The following C20orf203 variants were observed in gnomAD, a reference collection of about 807,000 sequenced individuals.
C20orf203 encodes chromosome 20 open reading frame 203.
C20orf203 carries 16 observed loss-of-function variants against 15.9 expected under a neutral mutation model. The observed-to-expected ratio is 1.01, with a 90% CI of 0.68 to 1.53. C20orf203 has a LOEUF of 1.53. Ranked by LOEUF, C20orf203 falls within the 40% of genes most tolerant of loss-of-function variation. C20orf203 has a pLI of 0.00. For synonymous variants in C20orf203, 98 were observed against 97.2 expected, an observed-to-expected ratio of 1.01 and a Z score of -0.05; for missense variants, 263 against 247.5, an observed-to-expected ratio of 1.06 and a Z score of -0.42.
chr20:32,644,266 G>A (rs746254867), intron 4 of C20orf203, among the ~76,000 whole-genome samples: 7 of 152,114 alleles, frequency 4.6e-5, no homozygotes, highest in African/African-American at 9.7e-5. Context: ...TGGGCAACAC[G>A]GTGAAACCCT....
Position 32,641,794 on chromosome 20 carries a change from C to T in C20orf203, c.*1178-1107G>A, listed in dbSNP as rs1042224455. ...GGAGAAATATATGTTTAGATCGTAT[C>T]GCCATTTTTAAAATTGAGTTATTTG... On this transcript the variant is annotated intron_variant, in intron 4 of 5. Coordinates refer to ENST00000608990, the MANE Select transcript of C20orf203 (RefSeq NM_182584.4). Among the ~76,000 whole-genome samples the T allele has an allele frequency of 2.6e-5, 4 of 152,198 alleles. No homozygotes were observed. In the East Asian group the frequency reaches 5.8e-4, roughly 22 times the overall value.
At chr20:32,646,641 C>T (rs2145667258) in intron 4 of C20orf203, among the ~76,000 whole-genome samples, 1 of 152,322 alleles carries the variant, frequency 6.6e-6, no homozygotes, top group East Asian at 1.9e-4. Context: ...GAATAGGCCC[C>T]AGAGGTCATC....
chr20:32,638,621 G>A (rs1389735524), intron 5 of C20orf203, among the ~76,000 whole-genome samples: 1 of 152,230 alleles, frequency 6.6e-6, no homozygotes, highest in Non-Finnish European at 1.5e-5. Flanking sequence ...CAGGAGCTGT[G>A]CTTGAATGCA....
intron 1 of C20orf203, among the ~76,000 whole-genome samples, chr20:32,672,092 G>A (rs935986447): frequency 8.5e-5 from 13 of 152,080 alleles, no homozygotes; most frequent in Middle Eastern, 3.4e-3. Context: ...CAAGGCAGGC[G>A]GATCACAAGG....
chr20:32,652,302 G>A (rs1454402897), intron 1 of C20orf203, among the ~76,000 whole-genome samples: 4 of 110,986 alleles, frequency 3.6e-5, no homozygotes, highest in Admixed American at 1.4e-4. Context: ...CAGCCTGGGC[G>A]ACAGAGCAAG....
chr20:32,652,300 G>A (rs1982650060), intron 1 of C20orf203, among the ~76,000 whole-genome samples: 1 of 130,732 alleles, frequency 7.6e-6, no homozygotes, highest in Non-Finnish European at 1.6e-5. Flanking sequence ...TTCAGCCTGG[G>A]CGACAGAGCA....
chr20:32,673,061 A>T (rs762335141), intron 1 of C20orf203, among the ~76,000 whole-genome samples: 2 of 151,430 alleles, frequency 1.3e-5, no homozygotes, highest in Non-Finnish European at 2.9e-5. Flanking sequence ...AAGACCCAAG[A>T]CTCCTTGGTA....
In C20orf203 at chr20:32,631,788, A is replaced by G. The variant is rs563673819; in HGVS notation, c.*3782T>C. 149 of 152,362 alleles carry G rather than the reference A, an allele frequency of 9.8e-4. 1 individual carries two copies. Among genetic ancestry groups the G allele is most frequent in the African/African-American group, 3.5e-3 (146 of 41,592 alleles). 9.4% of individuals were successfully genotyped at this position (152,362 alleles called of 1,614,324 possible). ...GAAGCAGGGCTCAGTCTGGGCGCTC[A>G]TAAGAGGCAGGGTCTGTGGGGGTCA... On this transcript the variant is annotated 3_prime_UTR_variant, in exon 6 of 6. Coordinates refer to ENST00000608990, the MANE Select transcript of C20orf203 (RefSeq NM_182584.4).
At chr20:32,648,426 GTCTTTTTTTTTTTT>G (rs1982496573) in intron 4 of C20orf203, among the ~76,000 whole-genome samples, 2 of 113,378 alleles carry the variant, frequency 1.8e-5, no homozygotes, top group African/African-American at 6.9e-5. Context: ...GCCTGAAACT[GTCTTTTTTTTTTTT>G]TTTTTTTTTT....
chr20:32,656,728 G>C (rs1982764268), intron 1 of C20orf203: 1 of 152,078 alleles, frequency 6.6e-6, no homozygotes, highest in Non-Finnish European at 1.5e-5. Context: ...GCCAGGTGTG[G>C]TGGCATGTAC....
Position 32,634,052 on chromosome 20 carries a change from C to T in C20orf203, c.*1518G>A, listed in dbSNP as rs984481325. On this transcript the variant is annotated 3_prime_UTR_variant, in exon 6 of 6. Transcript: ENST00000608990. ...AAATTGAAATGAGCCAGTTCTACCC[C>T]GGTGTTGGGAATTCCGAGATGAATC... 5 of 398,496 alleles carry T rather than the reference C, an allele frequency of 1.3e-5. No individual in the cohort carries two copies. The highest frequency in any genetic ancestry group is 4.4e-5 in the Admixed American group (1 of 22,700). 24.7% of individuals were successfully genotyped at this position (398,496 alleles called of 1,614,324 possible).
Position 32,650,448 on chromosome 20 carries a change from C to G in C20orf203, c.569G>C (p.Arg190Pro). 1.9e-6 allele frequency: 3 copies of G among 1,550,068 alleles called. No individual in the cohort carries two copies. The highest frequency in any genetic ancestry group is 1.4e-5 in the African/African-American group (1 of 73,130). Reference sequence around the variant, plus strand: ...TGGGCTCGGCTAATTAAACAGCGACCGTGATGAATTGGAGAGAAACTGCTG... The same window carrying G: ...TGGGCTCGGCTAATTAAACAGCGACGGTGATGAATTGGAGAGAAACTGCTG... ...SKQQFLSNSS[R>P]SLFN Residue 190 changes from arginine to proline, a missense_variant, in exon 4 of 6, where the codon CGG becomes CCG. Transcript: ENST00000608990.
intron 4 of C20orf203, among the ~76,000 whole-genome samples, chr20:32,645,053 C>G (rs994808968): frequency 6.6e-6 from 1 of 152,004 alleles, no homozygotes; most frequent in South Asian, 2.1e-4. Flanking sequence ...CATTCCTAAG[C>G]CAGGTTCTCA....
intron 1 of C20orf203, among the ~76,000 whole-genome samples, chr20:32,668,733 G>C (rs1477277717): frequency 6.6e-6 from 1 of 152,150 alleles, no homozygotes; most frequent in African/African-American, 2.4e-5. Context: ...TGAGGTAGGA[G>C]AATTGCTTGA....
intron 1 of C20orf203, chr20:32,657,015 A>C (rs1260328888): frequency 1.3e-5 from 2 of 152,238 alleles, no homozygotes; most frequent in Non-Finnish European, 2.9e-5. Flanking sequence ...AAGGAGGACT[A>C]AAGTGCTGAC....
At chr20:32,666,849 G>GTTTTGTTTTTTA (rs1983048380) in intron 1 of C20orf203, among the ~76,000 whole-genome samples, 2 of 95,710 alleles carry the variant, frequency 2.1e-5, no homozygotes, top group African/African-American at 7.6e-5. Flanking sequence ...TTTTAGAGAT[G>GTTTTGTTTTTTA]GGGTCTTCCT....
rs17123507 is a variant in C20orf203, at chr20:32,650,282, C to T, written c.*150G>A. ...ATACAAGCGCCGGTGCCCAGAATCTCCTTGAGGTTTCAGCTGGGCGTGCCG... is the reference window on the plus strand; with the variant it reads ...ATACAAGCGCCGGTGCCCAGAATCTTCTTGAGGTTTCAGCTGGGCGTGCCG... On this transcript the variant is annotated 3_prime_UTR_variant, in exon 4 of 6. Transcript: ENST00000608990. The T allele has an allele frequency of 5.7e-3, 3,572 of 631,282 alleles. 86 individuals are homozygous for T. The highest frequency in any genetic ancestry group is 0.056 in the African/African-American group (3,059 of 54,310). The allele number at this position is 631,282 out of a possible 1,614,324, so 39.1% of individuals were successfully genotyped here. A position where few individuals can be genotyped will look rare whatever the true frequency, so the allele number is the denominator to read the frequency against.
rs1982049754 is a variant in C20orf203, at chr20:32,633,306, G to A, written c.*2264C>T. On this transcript the variant is annotated 3_prime_UTR_variant, in exon 6 of 6. Transcript: ENST00000608990. ...TCCAAGATCTTGTGGTTGATCCGTG[G>A]AGGCCTGGGATGGCCACTGAAGTCC... 1 of 152,132 alleles carries A rather than the reference G, an allele frequency of 6.6e-6. No individual in the cohort carries two copies. The highest frequency in any genetic ancestry group is 1.5e-5 in the Non-Finnish European group (1 of 68,046). The allele number at this position is 152,132 out of a possible 1,614,324, so 9.4% of individuals were successfully genotyped here. A position where few individuals can be genotyped will look rare whatever the true frequency, so the allele number is the denominator to read the frequency against.
At chr20:32,668,641 AAAAAAT>A (rs368945161) in intron 1 of C20orf203, among the ~76,000 whole-genome samples, 4 of 151,658 alleles carry the variant, frequency 2.6e-5, no homozygotes, top group African/African-American at 9.7e-5. Flanking sequence ...AAAATAAATA[AAAAAAT>A]AAAAATAAAT....
Sources: gnomAD v4.1 joint callset for allele counts (sites outside exome capture counted in the v4.1 genomes callset) on GRCh38, gnomAD v4.1.1 for gene constraint, MANE v1.5 for transcripts, NCBI Gene and HGNC (gene_info 2026-07-23, HGNC 2026-07-21) for gene names.